Variants in MAGI2 observed in about 807,000 individuals in gnomAD.
MAGI2 encodes the protein membrane-associated guanylate kinase, WW and PDZ domain-containing protein 2.
MAGI2 carries 35 observed loss-of-function variants against 133.3 expected under a neutral mutation model. The ratio of observed to expected loss-of-function variants is 0.26; its 90% CI spans 0.20 to 0.35. MAGI2 has a LOEUF of 0.35. Among genes scored for constraint, MAGI2 ranks in the 10% least tolerant of loss-of-function variants. The pLI, the probability that MAGI2 is intolerant of heterozygous loss-of-function variation, is 1.00. For synonymous variants in MAGI2, 729 were observed against 710.6 expected, an observed-to-expected ratio of 1.03 and a Z score of -0.41; for missense variants, 1,636 against 1,863.4, an observed-to-expected ratio of 0.88 and a Z score of 2.25.
chr7:78,858,201 A>T (rs1793827574), intron 2 of MAGI2, among the ~76,000 whole-genome samples: 1 of 152,088 alleles, frequency 6.6e-6, no homozygotes, highest in African/African-American at 2.4e-5. Context: ...TCAAAAAACC[A>T]GCTCCTGGAT....
intron 7 of MAGI2, among the ~76,000 whole-genome samples, chr7:78,356,735 C>T (rs1377961338): frequency 6.6e-6 from 1 of 152,180 alleles, no homozygotes; most frequent in Admixed American, 6.5e-5. Flanking sequence ...GAAAGGGGTA[C>T]ACTTCTCACC....
At chr7:78,677,969 A>G (rs781460413) in intron 2 of MAGI2, among the ~76,000 whole-genome samples, 3 of 152,116 alleles carry the variant, frequency 2.0e-5, no homozygotes, top group Non-Finnish European at 4.4e-5. Context: ...GTCACGGGCA[A>G]GTGTGGGATG....
intron 1 of MAGI2, among the ~76,000 whole-genome samples, chr7:79,295,111 A>C (rs1836831724): frequency 6.6e-6 from 1 of 152,114 alleles, no homozygotes; most frequent in Admixed American, 6.6e-5. Flanking sequence ...TTCTTGATGG[A>C]GTTTTATTTT....
intron 20 of MAGI2, among the ~76,000 whole-genome samples, chr7:78,079,394 A>G (rs184780087): frequency 1.3e-5 from 2 of 152,352 alleles, no homozygotes; most frequent in Admixed American, 6.5e-5. Flanking sequence ...ATTAGGGAAT[A>G]TATCTGATAC....
At chr7:78,300,924 AGAG>A (rs975702262) in intron 9 of MAGI2, among the ~76,000 whole-genome samples, 6 of 152,176 alleles carry the variant, frequency 3.9e-5, no homozygotes. Flanking sequence ...AAATTATCAA[AGAG>A]GATGGTAGCC....
rs1187879526 is a variant in MAGI2 at position 78,295,290 on chromosome 7, G to A, written c.1409-38709C>T. ...AGCTGCTTCCGCCTTATATCTATATGTTGTGGTCTACTTTGGCTATAACCA... is the reference window on the plus strand; with the variant it reads ...AGCTGCTTCCGCCTTATATCTATATATTGTGGTCTACTTTGGCTATAACCA... On this transcript the variant is annotated intron_variant, in intron 9 of 21. Coordinates refer to ENST00000354212, the MANE Select transcript of MAGI2 (RefSeq NM_012301.4). Among the ~76,000 whole-genome samples, 3 of 152,132 alleles carry A rather than the reference G, an allele frequency of 2.0e-5. No individual in the cohort carries two copies. In the East Asian group the frequency reaches 5.8e-4, roughly 29 times the overall value.
intron 2 of MAGI2, among the ~76,000 whole-genome samples, chr7:78,701,761 A>G (rs1168994479): frequency 6.6e-6 from 1 of 151,928 alleles, no homozygotes; most frequent in African/African-American, 2.4e-5. Flanking sequence ...AAACAGCTAT[A>G]CTTGTTTATT....
intron 1 of MAGI2, among the ~76,000 whole-genome samples, chr7:79,218,975 T>C (rs945361841): frequency 4.6e-5 from 7 of 152,106 alleles, no homozygotes; most frequent in Non-Finnish European, 2.9e-5. Context: ...ATGAGGTCTC[T>C]GTCTACAGAG....
intron 20 of MAGI2, among the ~76,000 whole-genome samples, chr7:78,096,002 A>C (rs993984163): frequency 1.3e-5 from 2 of 152,236 alleles, no homozygotes; most frequent in African/African-American, 4.8e-5. Flanking sequence ...CTTCATTTTC[A>C]TTTCTTCTTT....
chr7:78,325,513 A>G (rs1788496220), intron 9 of MAGI2, among the ~76,000 whole-genome samples: 1 of 152,372 alleles, frequency 6.6e-6, no homozygotes, highest in East Asian at 1.9e-4. Context: ...ACAAGCAAAC[A>G]TACTTGACTC....
intron 2 of MAGI2, among the ~76,000 whole-genome samples, chr7:78,934,539 A>C (rs1388791566): frequency 6.6e-6 from 1 of 152,204 alleles, no homozygotes; most frequent in Non-Finnish European, 1.5e-5. Context: ...GATACCAAAC[A>C]ACCACAGACT....
chr7:78,118,859 C>G (rs1172988558), intron 20 of MAGI2, among the ~76,000 whole-genome samples: 2 of 152,170 alleles, frequency 1.3e-5, no homozygotes, highest in African/African-American at 4.8e-5. Context: ...GGTTTTTACT[C>G]AAAGAACTTG....
intron 1 of MAGI2, among the ~76,000 whole-genome samples, chr7:79,406,253 T>C (rs910985891): frequency 6.6e-6 from 1 of 152,062 alleles, no homozygotes; most frequent in Non-Finnish European, 1.5e-5. Context: ...AAGAGGATAT[T>C]GCAGCCAAGA....
At chr7:78,597,671 A>G (rs1339504526) in intron 3 of MAGI2, among the ~76,000 whole-genome samples, 6 of 152,206 alleles carry the variant, frequency 3.9e-5, no homozygotes, top group Non-Finnish European at 8.8e-5. Flanking sequence ...CTTTTACCTA[A>G]CCATGAATGC....
intron 2 of MAGI2, among the ~76,000 whole-genome samples, chr7:78,653,352 A>C (rs190013480): frequency 1.8e-3 from 277 of 152,332 alleles, no homozygotes; most frequent in Middle Eastern, 6.8e-3. Context: ...TTATTGGAGC[A>C]CTGTTCACAA....
intron 2 of MAGI2, among the ~76,000 whole-genome samples, chr7:78,867,631 G>A (rs1212451148): frequency 1.3e-5 from 2 of 151,380 alleles, no homozygotes; most frequent in Non-Finnish European, 2.9e-5. Flanking sequence ...GCATGGCAAT[G>A]TATACATATG....
chr7:78,284,465 T>A (rs553407494), intron 9 of MAGI2, among the ~76,000 whole-genome samples: 54 of 140,056 alleles, frequency 3.9e-4, no homozygotes, highest in East Asian at 1.1e-3. Flanking sequence ...TTTTTTTTTT[T>A]AAAATAAGAA....
chr7:78,645,866 G>A (rs1209994908), intron 2 of MAGI2, among the ~76,000 whole-genome samples: 1 of 151,790 alleles, frequency 6.6e-6, no homozygotes, highest in East Asian at 1.9e-4. Flanking sequence ...GGCCACCCAA[G>A]TAGCTGGGAC....
chr7:79,417,856 T>G (rs1191516736), intron 1 of MAGI2, among the ~76,000 whole-genome samples: 3 of 152,176 alleles, frequency 2.0e-5, no homozygotes, highest in South Asian at 2.1e-4. Context: ...CACCACATTC[T>G]TGATGTAGAA....
Sources: gnomAD v4.1 joint callset for allele counts (sites outside exome capture counted in the v4.1 genomes callset) on GRCh38, gnomAD v4.1.1 for gene constraint, MANE v1.5 for transcripts, NCBI Gene and HGNC (gene_info 2026-07-23, HGNC 2026-07-21) for gene names.